APBB2: variants seen among roughly 807,000 people sequenced by gnomAD.
APBB2 encodes the protein Fe65-like 1.
Under a neutral mutation model 82.5 loss-of-function variants are expected in APBB2, and 38 were observed. The ratio of observed to expected loss-of-function variants is 0.46; its 90% CI spans 0.36 to 0.60. The LOEUF (loss-of-function observed/expected upper bound fraction) is 0.60, where lower values mean the gene tolerates loss of function less well. Among genes scored for constraint, APBB2 ranks in the 20% least tolerant of loss-of-function variants. The pLI is 0.00. For synonymous variants in APBB2, 341 were observed against 368.2 expected (o/e 0.93, Z 0.85); for missense variants, 772 against 972.3 (o/e 0.79, Z 2.74).
At chr4:41,084,907 T>G (rs1739076172) in intron 3 of APBB2, among the ~76,000 whole-genome samples, 1 of 152,130 alleles carries the variant, frequency 6.6e-6, no homozygotes, top group Non-Finnish European at 1.5e-5. Flanking sequence ...AGCTTCAGTA[T>G]AAGTAAGTCA....
At chr4:40,977,486 TATTTTTA>T (rs1797470984) in intron 6 of APBB2, among the ~76,000 whole-genome samples, 1 of 152,136 alleles carries the variant, frequency 6.6e-6, no homozygotes, top group Non-Finnish European at 1.5e-5. Context: ...CTAATTTTTG[TATTTTTA>T]GTAAAGACAG....
In APBB2 at chr4:40,890,384, G is replaced by T. The variant is rs754725035; in HGVS notation, c.1509C>A (p.Gly503=). Residue 503 remains glycine (G), a synonymous_variant, in exon 12 of 18, where the codon GGC becomes GGA. Transcript: ENST00000508593. ...SQPIVSIRVW[G]VGRDNGRDFA... ...CTCACCGGCCATTGTCGCGGCCCAC[G>T]CCCCACACGCGGATGCTGACGATGG... is the stretch of plus-strand genomic sequence containing the variant. 7 of 1,613,094 alleles carry T rather than the reference G, an allele frequency of 4.3e-6. No homozygotes were observed. Among genetic ancestry groups the T allele is most frequent in the Non-Finnish European group, 5.1e-6 (6 of 1,179,916 alleles).
chr4:40,977,052 AT>A (rs1032612686), intron 6 of APBB2, among the ~76,000 whole-genome samples: 43 of 152,094 alleles, frequency 2.8e-4, no homozygotes, highest in African/African-American at 9.4e-4. Flanking sequence ...TCAAAAAAAA[AT>A]AGATTTTCAT....
At chr4:41,189,525 G>T (rs927348642) in intron 1 of APBB2, among the ~76,000 whole-genome samples, 1 of 152,140 alleles carries the variant, frequency 6.6e-6, no homozygotes, top group Non-Finnish European at 1.5e-5. Context: ...CCCAGCCCCA[G>T]AGCATTACAG....
intron 6 of APBB2, among the ~76,000 whole-genome samples, chr4:41,007,761 C>T (rs912909428): frequency 3.9e-5 from 6 of 152,178 alleles, no homozygotes; most frequent in African/African-American, 1.2e-4. Flanking sequence ...ATCCAACCAG[C>T]AAATGAGTAA....
In APBB2 at chr4:40,983,192, C is replaced by T. The variant is rs535596070; in HGVS notation, c.835+30391G>A. Among the ~76,000 whole-genome samples, 6 of 152,232 alleles carry T rather than the reference C, an allele frequency of 3.9e-5. No individual in the cohort carries two copies. In the East Asian group the frequency reaches 7.7e-4, roughly 20 times the overall value. On this transcript the variant is annotated intron_variant, in intron 6 of 17. Transcript: ENST00000508593. ...GGAACAGGGAGGCAAAGTGACTTGC[C>T]TCGGTTCATAGAAATAAATGGTGGT...
chr4:40,953,327 A>T (rs1790731214), intron 6 of APBB2, among the ~76,000 whole-genome samples: 1 of 150,508 alleles, frequency 6.6e-6, no homozygotes, highest in East Asian at 1.9e-4. Context: ...TTCTACAGAG[A>T]CCTGAGAAAA....
intron 1 of APBB2, among the ~76,000 whole-genome samples, chr4:41,206,531 C>A (rs546179250): frequency 5.3e-4 from 81 of 152,332 alleles, no homozygotes; most frequent in African/African-American, 1.9e-3. Context: ...AAGGTATACA[C>A]AGACCTTGGT....
chr4:40,832,013 T>TACAC lies in APBB2; in HGVS notation c.1530-1440_1530-1437dup, dbSNP rs1553930075. 0.013 allele frequency among the ~76,000 whole-genome samples: 1,813 copies of TACAC among 138,946 alleles called. 21 individuals are homozygous for TACAC. The highest frequency in any genetic ancestry group is 0.016 in the Non-Finnish European group (1,007 of 64,442). 91.2% of individuals were successfully genotyped at this position (138,946 alleles called of 152,430 possible). A position where few individuals can be genotyped will look rare whatever the true frequency, so the allele number is the denominator to read the frequency against. On this transcript the variant is annotated intron_variant, in intron 12 of 17. Transcript: ENST00000508593. The surrounding 1 kb of genome is among the most constrained non-coding windows in gnomAD (Gnocchi z 4.8). Reference sequence around the variant, plus strand: ...ACACATATTTATATATTTATTTATATACACACACACACACACACACACACA... The same window carrying TACAC: ...ACACATATTTATATATTTATTTATATACACACACACACACACACACACACACACA...
intron 3 of APBB2, among the ~76,000 whole-genome samples, chr4:41,080,691 A>C (rs984569354): frequency 6.9e-6 from 1 of 144,726 alleles, no homozygotes; most frequent in African/African-American, 2.5e-5. Context: ...TGGTGATGTA[A>C]ATGCTCCTTT....
At position 40,944,847 on chromosome 4, in the gene APBB2, A is replaced by G. The variant is rs753732893; in HGVS notation, c.1044+18T>C. ...TACATCTATTCTACTAAGCTGGTAAAAAGACACTCCGTTTTACCTCGTTCT... is the reference window on the plus strand; with the variant it reads ...TACATCTATTCTACTAAGCTGGTAAGAAGACACTCCGTTTTACCTCGTTCT... On this transcript the variant is annotated intron_variant, in intron 7 of 17. Coordinates refer to ENST00000508593, the MANE Select transcript of APBB2 (RefSeq NM_004307.2). 1.1e-5 allele frequency: 17 copies of G among 1,611,642 alleles called. No homozygotes were observed. Among genetic ancestry groups the G allele is most frequent in the Non-Finnish European group, 1.0e-5 (12 of 1,179,414 alleles).
intron 12 of APBB2, among the ~76,000 whole-genome samples, chr4:40,840,884 C>T (rs719379): frequency 0.38 from 57,480 of 152,036 alleles, 11,797 homozygotes; most frequent in Non-Finnish European, 0.47. Flanking sequence ...TAGGAACTAG[C>T]GAACACCTGA....
At chr4:41,147,983 A>AC (rs1761259609) in intron 1 of APBB2, among the ~76,000 whole-genome samples, 1 of 152,210 alleles carries the variant, frequency 6.6e-6, no homozygotes, top group Non-Finnish European at 1.5e-5. Context: ...TATTTTTATT[A>AC]TAAAAATTAG....
At chr4:40,857,012 G>T in intron 12 of APBB2, 5 of 985,536 alleles carry the variant, frequency 5.1e-6, no homozygotes, top group Non-Finnish European at 6.0e-6. Flanking sequence ...CCGTTCCTTC[G>T]CCAACTTCCT....
intron 6 of APBB2, among the ~76,000 whole-genome samples, chr4:40,977,595 G>T (rs1797506140): frequency 6.6e-6 from 1 of 152,166 alleles, no homozygotes; most frequent in African/African-American, 2.4e-5. Flanking sequence ...TTACAGGTGT[G>T]AGCCACTGCA....
At chr4:41,001,349 A>G (rs890072801) in intron 6 of APBB2, among the ~76,000 whole-genome samples, 8 of 152,182 alleles carry the variant, frequency 5.3e-5, no homozygotes, top group African/African-American at 1.9e-4. Context: ...ATGAGAAAAC[A>G]TGTTCTGGTA....
chr4:40,872,212 G>A (rs1403785033), intron 12 of APBB2, among the ~76,000 whole-genome samples: 2 of 152,210 alleles, frequency 1.3e-5, no homozygotes, highest in African/African-American at 2.4e-5. Context: ...TTTAGACAGA[G>A]AATGAGGACA....
At chr4:41,168,385 AT>A (rs896650209) in intron 1 of APBB2, among the ~76,000 whole-genome samples, 1 of 150,696 alleles carries the variant, frequency 6.6e-6, no homozygotes. Flanking sequence ...TTATTTTTTT[AT>A]TTTTTTCCTC....
chr4:41,177,987 A>G (rs1770279221), intron 1 of APBB2, among the ~76,000 whole-genome samples: 1 of 152,180 alleles, frequency 6.6e-6, no homozygotes, highest in Non-Finnish European at 1.5e-5. Context: ...CAGATTACAG[A>G]TGCTCAACCT....
Sources: gnomAD v4.1 joint callset for allele counts (sites outside exome capture counted in the v4.1 genomes callset) on GRCh38, gnomAD v4.1.1 for gene constraint, Gnocchi (gnomAD v3.1) non-coding constraint, MANE v1.5 for transcripts, NCBI Gene and HGNC (gene_info 2026-07-23, HGNC 2026-07-21) for gene names.